GPC5: variants seen among roughly 807,000 people sequenced by gnomAD.
GPC5 encodes the protein glypican 5, also known as glypican-5.
In GPC5, 47 loss-of-function variants were observed where a neutral mutation model predicts 53.9. The observed-to-expected ratio is 0.87, with a 90% CI of 0.69 to 1.11. The LOEUF (loss-of-function observed/expected upper bound fraction) is 1.11, where lower values mean the gene tolerates loss of function less well. Ranked by LOEUF, GPC5 falls within the 50% of genes most tolerant of loss-of-function variation. The pLI, the probability that GPC5 is intolerant of heterozygous loss-of-function variation, is 0.00. For missense variants in GPC5, 748 were observed against 713.1 expected, an observed-to-expected ratio of 1.05 and a Z score of -0.56; for synonymous variants, 286 against 263.3, an observed-to-expected ratio of 1.09 and a Z score of -0.84.
chr13:91,741,739 T>A (rs2036938437), intron 4 of GPC5, among the ~76,000 whole-genome samples: 1 of 152,196 alleles, frequency 6.6e-6, no homozygotes, highest in Non-Finnish European at 1.5e-5. Context: ...TGAGTATATA[T>A]GTTTGTTTAG....
chr13:92,535,281 A>G (rs900356226), intron 7 of GPC5, among the ~76,000 whole-genome samples: 3 of 152,004 alleles, frequency 2.0e-5, no homozygotes, highest in Non-Finnish European at 2.9e-5. Context: ...TCTTCAGTTC[A>G]TGCACACGCT....
intron 7 of GPC5, among the ~76,000 whole-genome samples, chr13:92,613,401 A>T (rs1286109285): frequency 4.7e-5 from 4 of 85,272 alleles, no homozygotes; most frequent in African/African-American, 2.1e-4. Flanking sequence ...ATAAATATAT[A>T]TTATATTATA....
chr13:91,622,749 G>C (rs1355007509), intron 2 of GPC5, among the ~76,000 whole-genome samples: 1 of 152,084 alleles, frequency 6.6e-6, no homozygotes, highest in African/African-American at 2.4e-5. Context: ...GGTGGTTGAG[G>C]CATGTTTGAA....
chr13:91,399,339 G>A, intron 1 of GPC5, 130 bp downstream of exon 1: 2 of 1,146,776 alleles, frequency 1.7e-6, no homozygotes, highest in Non-Finnish European at 1.2e-6. Context: ...TGAATCCCGG[G>A]GAGGCTTCCG....
intron 7 of GPC5, among the ~76,000 whole-genome samples, chr13:92,590,393 C>T (rs1469305440): frequency 1.3e-5 from 2 of 152,070 alleles, no homozygotes; most frequent in African/African-American, 4.8e-5. Flanking sequence ...GCCCAAAACC[C>T]GTTCCTATGC....
chr13:92,643,299 C>G (rs1885655269), intron 7 of GPC5, among the ~76,000 whole-genome samples: 1 of 152,176 alleles, frequency 6.6e-6, no homozygotes, highest in Non-Finnish European at 1.5e-5. Context: ...AGTCCTTGCC[C>G]ATGCCTATGT....
intron 7 of GPC5, among the ~76,000 whole-genome samples, chr13:92,350,818 A>G (rs2043471038): frequency 6.6e-6 from 1 of 151,838 alleles, no homozygotes. Flanking sequence ...ATTTACAATA[A>G]AATAGTTTTT....
At chr13:92,168,801 A>G (rs1464363045) in intron 7 of GPC5, among the ~76,000 whole-genome samples, 1 of 152,230 alleles carries the variant, frequency 6.6e-6, no homozygotes, top group African/African-American at 2.4e-5. Context: ...AGAGCCAGAA[A>G]TACCATTTGG....
intron 7 of GPC5, among the ~76,000 whole-genome samples, chr13:92,339,187 T>TTATATACAA (rs2043346374): frequency 6.6e-6 from 1 of 150,694 alleles, no homozygotes; most frequent in Non-Finnish European, 1.5e-5. Flanking sequence ...ATATTATATA[T>TTATATACAA]TATATACAAT....
intron 6 of GPC5, among the ~76,000 whole-genome samples, chr13:92,098,630 A>G (rs2041440430): frequency 6.6e-6 from 1 of 152,232 alleles, no homozygotes; most frequent in African/African-American, 2.4e-5. Context: ...GAACTTGGAT[A>G]TGCCAAGTTA....
intron 5 of GPC5, among the ~76,000 whole-genome samples, chr13:91,879,343 A>G (rs1170829753): frequency 1.2e-4 from 18 of 152,210 alleles, no homozygotes; most frequent in African/African-American, 4.1e-4. Context: ...CTACTTTGCT[A>G]AATTTTATCG....
chr13:92,592,149 A>G (rs1566309271), intron 7 of GPC5, among the ~76,000 whole-genome samples: 1 of 152,214 alleles, frequency 6.6e-6, no homozygotes, highest in African/African-American at 2.4e-5. Flanking sequence ...CTGTCAACCC[A>G]TGTAACCTTC....
intron 6 of GPC5, among the ~76,000 whole-genome samples, chr13:92,052,422 G>T (rs948663141): frequency 6.6e-6 from 1 of 152,180 alleles, no homozygotes; most frequent in African/African-American, 2.4e-5. Context: ...TGTCCACAGC[G>T]TGGAAGGGAA....
chr13:92,528,934 CTG>C (rs773972163), intron 7 of GPC5, among the ~76,000 whole-genome samples: 1 of 151,918 alleles, frequency 6.6e-6, no homozygotes, highest in Non-Finnish European at 1.5e-5. Context: ...AGGATAAGAA[CTG>C]TGAAAATCTA....
At chr13:91,625,279 G>A (rs1006632123) in intron 2 of GPC5, among the ~76,000 whole-genome samples, 8 of 151,718 alleles carry the variant, frequency 5.3e-5, no homozygotes, top group Non-Finnish European at 7.4e-5. Context: ...GCATAGCACA[G>A]GAGTTAAGAA....
At chr13:92,426,170 C>T (rs1208665456) in intron 7 of GPC5, among the ~76,000 whole-genome samples, 3 of 151,994 alleles carry the variant, frequency 2.0e-5, no homozygotes. Context: ...TTAGAGAATA[C>T]CCCTCTTCTC....
intron 5 of GPC5, among the ~76,000 whole-genome samples, chr13:91,822,083 T>C (rs954970448): frequency 3.3e-5 from 5 of 152,198 alleles, no homozygotes; most frequent in African/African-American, 9.6e-5. Context: ...TGCAACAGAA[T>C]TGGTAGAACA....
At chr13:92,188,802 G>T (rs2042202135) in intron 7 of GPC5, among the ~76,000 whole-genome samples, 1 of 152,114 alleles carries the variant, frequency 6.6e-6, no homozygotes, top group South Asian at 2.1e-4. Flanking sequence ...CCACTTTCTG[G>T]TTCAGCATCT....
intron 2 of GPC5, among the ~76,000 whole-genome samples, chr13:91,517,504 A>C (rs1002431512): frequency 1.3e-5 from 2 of 152,144 alleles, no homozygotes; most frequent in Admixed American, 6.5e-5. Context: ...CATTATCAGC[A>C]TTTTGGTCAA....
Sources: allele counts gnomAD v4.1 joint callset (sites outside exome capture counted in the v4.1 genomes callset), GRCh38; gene constraint gnomAD v4.1.1; transcripts MANE v1.5; gene names NCBI Gene and HGNC (gene_info 2026-07-23, HGNC 2026-07-21).